The following RBFOX1 variants were observed in gnomAD, a reference collection of about 807,000 sequenced individuals.
The protein encoded by RBFOX1 is RNA binding fox-1 homolog 1.
RBFOX1 carries 8 observed loss-of-function variants against 57.7 expected under a neutral mutation model. That is an observed-to-expected ratio of 0.14 (90% CI 0.08 to 0.25). The LOEUF is 0.25. RBFOX1 is among the 10% of genes least tolerant of loss of function. The pLI, the probability that RBFOX1 is intolerant of heterozygous loss-of-function variation, is 1.00. For synonymous variants in RBFOX1, 326 were observed against 222.4 expected (o/e 1.47, Z -4.15); for missense variants, 611 against 548.5 (o/e 1.11, Z -1.14).
intron 2 of RBFOX1, among the ~76,000 whole-genome samples, chr16:6,520,557 A>C (rs1015812423): frequency 6.6e-6 from 1 of 151,750 alleles, no homozygotes; most frequent in Non-Finnish European, 1.5e-5. Context: ...AAGCAAAAAA[A>C]CATTGGTTCT....
At chr16:5,675,633 C>T (rs144911732) in intron 3 of RBFOX1, among the ~76,000 whole-genome samples, 293 of 152,254 alleles carry the variant, frequency 1.9e-3, no homozygotes, top group African/African-American at 6.7e-3. Flanking sequence ...GGATGGCTTC[C>T]GCGTGTCATC....
intron 2 of RBFOX1, among the ~76,000 whole-genome samples, chr16:5,547,034 T>C (rs1017720685): frequency 6.6e-6 from 1 of 152,186 alleles, no homozygotes; most frequent in African/African-American, 2.4e-5. Flanking sequence ...GAAATACAAG[T>C]TAAGACCACA....
intron 2 of RBFOX1, among the ~76,000 whole-genome samples, chr16:5,543,966 C>T (rs925186236): frequency 3.9e-5 from 6 of 152,076 alleles, no homozygotes; most frequent in African/African-American, 9.7e-5. Flanking sequence ...TAGTCAAATC[C>T]AGAATTATGA....
intron 4 of RBFOX1, among the ~76,000 whole-genome samples, chr16:7,162,377 T>C (rs1023960235): frequency 6.6e-6 from 1 of 152,126 alleles, no homozygotes; most frequent in African/African-American, 2.4e-5. Flanking sequence ...ACAGTAATTC[T>C]ATAAATATAA....
intron 4 of RBFOX1, among the ~76,000 whole-genome samples, chr16:7,284,138 G>A (rs990568735): frequency 6.6e-6 from 1 of 152,196 alleles, no homozygotes; most frequent in African/African-American, 2.4e-5. Flanking sequence ...TTGCTGAGTA[G>A]CATTCTGTGG....
chr16:6,203,463 C>T (rs1047022027), intron 1 of RBFOX1, among the ~76,000 whole-genome samples: 1 of 152,108 alleles, frequency 6.6e-6, no homozygotes, highest in African/African-American at 2.4e-5. Flanking sequence ...TGCATGTATG[C>T]CATTTTCTTT....
At chr16:6,960,796 T>G in intron 3 of RBFOX1, among the ~76,000 whole-genome samples, 1 of 151,810 alleles carries the variant, frequency 6.6e-6, no homozygotes. Context: ...ACTGTAGGGA[T>G]TGGCCCAGGG....
chr16:6,256,201 ATGTATATG>A (rs2097663086), intron 1 of RBFOX1, among the ~76,000 whole-genome samples: 2 of 34,958 alleles, frequency 5.7e-5, no homozygotes, highest in African/African-American at 2.0e-4. Context: ...ATATATGTAT[ATGTATATG>A]TGTATATATA....
intron 4 of RBFOX1, among the ~76,000 whole-genome samples, chr16:5,919,533 G>C (rs2058774635): frequency 6.6e-6 from 1 of 152,018 alleles, no homozygotes; most frequent in Non-Finnish European, 1.5e-5. Flanking sequence ...TAGTAGAGAC[G>C]GGGTTTCCCC....
intron 10 of RBFOX1, among the ~76,000 whole-genome samples, chr16:7,625,776 C>G (rs930832666): frequency 1.3e-5 from 2 of 152,212 alleles, no homozygotes; most frequent in African/African-American, 2.4e-5. Context: ...GCCAAACAGC[C>G]TTTCTTTTCT....
rs1298623133 is a variant in RBFOX1, at chr16:7,301,480, G to A, written c.28-216667G>A. ...TTAAGGGAATGTCAGAGCCGTTATT[G>A]CAAGATGGATCTGTGGGGATCTAAT... On this transcript the variant is annotated intron_variant, in intron 4 of 15. Coordinates refer to ENST00000550418, the MANE Select transcript of RBFOX1 (RefSeq NM_018723.4). Among the ~76,000 whole-genome samples, 3 of 152,196 alleles carry A rather than the reference G, an allele frequency of 2.0e-5. No homozygotes were observed. The East Asian group carries it at 5.8e-4, about 29-fold the overall frequency.
At chr16:7,407,855 C>G (rs943420438) in intron 4 of RBFOX1, among the ~76,000 whole-genome samples, 4 of 152,226 alleles carry the variant, frequency 2.6e-5, no homozygotes, top group Non-Finnish European at 4.4e-5. Flanking sequence ...GGGACCTAAT[C>G]TGGCCTGCGG....
chr16:5,537,958 C>T (rs905926756), intron 2 of RBFOX1, among the ~76,000 whole-genome samples: 2 of 152,106 alleles, frequency 1.3e-5, no homozygotes, highest in African/African-American at 4.8e-5. Flanking sequence ...CACATTTTTC[C>T]CACACTCACT....
At chr16:6,801,784 G>A (rs147058748) in intron 3 of RBFOX1, among the ~76,000 whole-genome samples, 4 of 152,210 alleles carry the variant, frequency 2.6e-5, no homozygotes, top group African/African-American at 9.6e-5. Context: ...TTGCCAGACC[G>A]ACTCAAAATT....
chr16:5,815,440 G>T (rs1164059187), intron 3 of RBFOX1, among the ~76,000 whole-genome samples: 1 of 152,084 alleles, frequency 6.6e-6, no homozygotes, highest in Non-Finnish European at 1.5e-5. Flanking sequence ...CAGCTCTGTT[G>T]ATCAGAAACC....
chr16:6,426,263 G>A (rs2093925316), intron 2 of RBFOX1, among the ~76,000 whole-genome samples: 1 of 151,934 alleles, frequency 6.6e-6, no homozygotes, highest in East Asian at 1.9e-4. Flanking sequence ...AAAAACAGAT[G>A]GGGAGATGAA....
chr16:5,948,295 G>A (rs1567179221), intron 4 of RBFOX1, among the ~76,000 whole-genome samples: 1 of 152,162 alleles, frequency 6.6e-6, no homozygotes, highest in Non-Finnish European at 1.5e-5. Flanking sequence ...TTCAAGGAGA[G>A]GAGAGGACCA....
intron 2 of RBFOX1, among the ~76,000 whole-genome samples, chr16:5,583,511 G>C (rs997384601): frequency 6.6e-6 from 1 of 152,118 alleles, no homozygotes; most frequent in Non-Finnish European, 1.5e-5. Flanking sequence ...CTGTAAATTT[G>C]TTCTGACCGC....
At chr16:5,864,025 A>G (rs2057287251) in intron 3 of RBFOX1, among the ~76,000 whole-genome samples, 1 of 152,064 alleles carries the variant, frequency 6.6e-6, no homozygotes, top group Non-Finnish European at 1.5e-5. Context: ...CCTAGTGCCC[A>G]TTATTTTTCG....
Sources: gnomAD v4.1 joint callset for allele counts (sites outside exome capture counted in the v4.1 genomes callset) on GRCh38, gnomAD v4.1.1 for gene constraint, MANE v1.5 for transcripts, NCBI Gene and HGNC (gene_info 2026-07-23, HGNC 2026-07-21) for gene names.